LRRC4C: variants seen among roughly 807,000 people sequenced by gnomAD.
The protein encoded by LRRC4C is leucine rich repeat containing 4C.
A neutral mutation model predicts 33.6 loss-of-function variants in LRRC4C; 5 were observed. The observed-to-expected ratio is 0.15, with a 90% CI of 0.08 to 0.31. The LOEUF is 0.31. LRRC4C is among the 10% of genes least tolerant of loss of function. The pLI, the probability that LRRC4C is intolerant of heterozygous loss-of-function variation, is 1.00. For missense variants in LRRC4C, 560 were observed against 796.7 expected (o/e 0.70, Z 3.58); for synonymous variants, 329 against 302.0 (o/e 1.09, Z -0.93).
intron 4 of LRRC4C, among the ~76,000 whole-genome samples, chr11:40,300,956 C>T (rs1329268197): frequency 6.6e-6 from 1 of 152,140 alleles, no homozygotes; most frequent in African/African-American, 2.4e-5. Context: ...GAGCACTGTA[C>T]CAGGCTCTCT....
chr11:40,720,712 C>A (rs1386901275), intron 2 of LRRC4C, among the ~76,000 whole-genome samples: 1 of 152,134 alleles, frequency 6.6e-6, no homozygotes, highest in African/African-American at 2.4e-5. Flanking sequence ...GAACAATATA[C>A]GATTAGACTC....
intron 3 of LRRC4C, among the ~76,000 whole-genome samples, chr11:40,475,224 T>G (rs1170249729): frequency 6.6e-6 from 1 of 152,098 alleles, no homozygotes; most frequent in African/African-American, 2.4e-5. Flanking sequence ...AATTGTAGAC[T>G]GGTTAAAAAA....
At chr11:40,810,145 T>A (rs1951425643) in intron 2 of LRRC4C, among the ~76,000 whole-genome samples, 1 of 152,164 alleles carries the variant, frequency 6.6e-6, no homozygotes, top group Non-Finnish European at 1.5e-5. Flanking sequence ...CTCAAATCAC[T>A]ATTGTTCAGG....
intron 3 of LRRC4C, among the ~76,000 whole-genome samples, chr11:40,343,217 G>A (rs1946953696): frequency 6.6e-6 from 1 of 151,920 alleles, no homozygotes; most frequent in Admixed American, 6.6e-5. Flanking sequence ...GCAACCTTAG[G>A]CACATAATGA....
intron 2 of LRRC4C, among the ~76,000 whole-genome samples, chr11:40,821,003 A>G (rs1951907094): frequency 6.6e-6 from 1 of 151,806 alleles, no homozygotes; most frequent in Non-Finnish European, 1.5e-5. Flanking sequence ...TTATTTCTAC[A>G]TAGTAGCAAC....
At chr11:40,921,477 A>G (rs111916016) in intron 2 of LRRC4C, among the ~76,000 whole-genome samples, 27 of 152,224 alleles carry the variant, frequency 1.8e-4, no homozygotes, top group African/African-American at 6.5e-4. Flanking sequence ...AACCACAACT[A>G]CCAAGGAAAT....
chr11:40,921,711 T>C (rs984400722), intron 2 of LRRC4C, among the ~76,000 whole-genome samples: 4 of 152,344 alleles, frequency 2.6e-5, no homozygotes, highest in African/African-American at 7.2e-5. Context: ...ATCAAAGTAA[T>C]TGGAATATCC....
chr11:41,296,008 A>G (rs1238747573), intron 1 of LRRC4C, among the ~76,000 whole-genome samples: 1 of 152,208 alleles, frequency 6.6e-6, no homozygotes, highest in Non-Finnish European at 1.5e-5. Context: ...GAGTAAATAA[A>G]ATCCCATGTT....
chr11:40,438,926 C>CTTTTTT (rs869144067), intron 3 of LRRC4C, among the ~76,000 whole-genome samples: 2 of 106,902 alleles, frequency 1.9e-5, no homozygotes, highest in Non-Finnish European at 3.7e-5. Context: ...TGAATTGCTA[C>CTTTTTT]TTTTTTTTTT....
At chr11:40,172,281 A>C (rs897413504) in intron 5 of LRRC4C, among the ~76,000 whole-genome samples, 1 of 152,174 alleles carries the variant, frequency 6.6e-6, no homozygotes, top group African/African-American at 2.4e-5. Flanking sequence ...ATGGACTAAG[A>C]CATACACTAT....
At chr11:40,352,798 C>T (rs1947472833) in intron 3 of LRRC4C, among the ~76,000 whole-genome samples, 1 of 151,954 alleles carries the variant, frequency 6.6e-6, no homozygotes, top group Non-Finnish European at 1.5e-5. Flanking sequence ...CTCTTGTTTG[C>T]CTGAGAAAAT....
intron 1 of LRRC4C, among the ~76,000 whole-genome samples, chr11:41,371,758 TC>T (rs1952755495): frequency 6.6e-6 from 1 of 152,180 alleles, no homozygotes; most frequent in Admixed American, 6.5e-5. Context: ...TCCAGCCCTT[TC>T]AAAGATTTTG....
chr11:41,040,931 A>G (rs1392292123), intron 1 of LRRC4C, among the ~76,000 whole-genome samples: 1 of 152,172 alleles, frequency 6.6e-6, no homozygotes, highest in Non-Finnish European at 1.5e-5. Context: ...CGCATGCCTC[A>G]GAACAGTTCT....
intron 3 of LRRC4C, among the ~76,000 whole-genome samples, chr11:40,441,352 A>C (rs1012112553): frequency 2.0e-5 from 3 of 152,220 alleles, no homozygotes; most frequent in Non-Finnish European, 2.9e-5. Context: ...GGAGATTAAA[A>C]TCAACCCAGA....
intron 1 of LRRC4C, among the ~76,000 whole-genome samples, chr11:40,976,649 G>C (rs2137049062): frequency 6.6e-6 from 1 of 152,254 alleles, no homozygotes; most frequent in South Asian, 2.1e-4. Flanking sequence ...TTGTGGAATG[G>C]CAGAGGTTTT....
intron 1 of LRRC4C, among the ~76,000 whole-genome samples, chr11:41,444,935 C>G (rs372199964): frequency 1.2e-4 from 18 of 151,936 alleles, no homozygotes; most frequent in African/African-American, 4.1e-4. Flanking sequence ...TCCCGAATAG[C>G]TAGGATCACA....
chr11:40,842,979 T>C (rs1264109880), intron 2 of LRRC4C, among the ~76,000 whole-genome samples: 1 of 152,190 alleles, frequency 6.6e-6, no homozygotes, highest in Non-Finnish European at 1.5e-5. Flanking sequence ...ACGAAACCTG[T>C]GTTTTCATTC....
intron 3 of LRRC4C, among the ~76,000 whole-genome samples, chr11:40,555,748 C>A (rs1957309482): frequency 6.6e-6 from 1 of 151,938 alleles, no homozygotes; most frequent in Non-Finnish European, 1.5e-5. Context: ...CACAGATAAG[C>A]AAAAAAGCCC....
chr11:40,894,975 A>C (rs970466825), intron 2 of LRRC4C, among the ~76,000 whole-genome samples: 2 of 152,098 alleles, frequency 1.3e-5, no homozygotes, highest in Non-Finnish European at 2.9e-5. Context: ...TCTAACTCAT[A>C]TCTCTCTTTT....
Sources: gnomAD v4.1 joint callset for allele counts (sites outside exome capture counted in the v4.1 genomes callset) on GRCh38, gnomAD v4.1.1 for gene constraint, MANE v1.5 for transcripts, NCBI Gene and HGNC (gene_info 2026-07-23, HGNC 2026-07-21) for gene names.